The following ATG2A variants were observed in gnomAD, a reference collection of about 807,000 sequenced individuals.
The protein encoded by ATG2A is autophagy related 2A.
Under a neutral mutation model 214.2 loss-of-function variants are expected in ATG2A, and 103 were observed. That is an observed-to-expected ratio of 0.48 (90% CI 0.41 to 0.57). ATG2A has a LOEUF of 0.57. Among genes scored for constraint, ATG2A ranks in the 20% least tolerant of loss-of-function variants. The pLI is 0.00. For synonymous variants in ATG2A, 1,160 were observed against 1,142.1 expected (o/e 1.02, Z -0.32); for missense variants, 2,312 against 2,613.2 (o/e 0.88, Z 2.51).
At position 64,897,874 on chromosome 11, in the gene ATG2A, G is replaced by GCTGTGTCCACCTCCTGGGGCCTC; in HGVS notation, c.4936_4958dup (p.Ser1653ArgfsTer63). 1 of 1,588,828 alleles carries GCTGTGTCCACCTCCTGGGGCCTC rather than the reference G, an allele frequency of 6.3e-7. No individual in the cohort carries two copies. Among genetic ancestry groups the GCTGTGTCCACCTCCTGGGGCCTC allele is most frequent in the Non-Finnish European group, 8.6e-7 (1 of 1,166,194 alleles). ...TGGGCTGCTGGTCAGGAGGGGAGGG[G>GCTGTGTCCACCTCCTGGGGCCTC]CTGTGTCCACCTCCTGGGGCCTCCT... On this transcript the variant is annotated frameshift_variant, in exon 35 of 41. Transcript: ENST00000377264. LOFTEE classifies it high-confidence loss of function.
At chr11:64,916,929 C>T in intron 1 of ATG2A, 36 bp downstream of exon 1, 1 of 1,609,274 alleles carries the variant, frequency 6.2e-7, no homozygotes. Flanking sequence ...CGCTCCCACC[C>T]TCCGCACCTT....
intron 16 of ATG2A, among the ~76,000 whole-genome samples, chr11:64,908,500 C>T (rs1162521128): frequency 6.6e-6 from 1 of 151,590 alleles, no homozygotes; most frequent in Non-Finnish European, 1.5e-5. Context: ...TGCGGTGAGC[C>T]GAGATCATGC....
At position 64,905,833 on chromosome 11, in the gene ATG2A, C is replaced by T. The variant is rs1407488048; in HGVS notation, c.3280G>A (p.Asp1094Asn). 2 of 1,613,406 alleles carry T rather than the reference C, an allele frequency of 1.2e-6. No homozygotes were observed. Among genetic ancestry groups the T allele is most frequent in the Admixed American group, 3.3e-5 (2 of 60,002 alleles). The change falls in exon 23 of 41, where the codon GAC becomes AAC. Residue 1094 changes from aspartate (D) to asparagine (N), a missense_variant. Physicochemically the swap from Asp to Asn is conservative, Grantham distance 23 (BLOSUM62 1). Coordinates refer to ENST00000377264, the MANE Select transcript of ATG2A (RefSeq NM_015104.3). Reference protein sequence around the residue: ...SWHSQLLEFLDVLDDPVLGYL... With the variant: ...SWHSQLLEFLNVLDDPVLGYL... The stretch of plus-strand genomic sequence containing the variant: ...CCCAGCACAGGGTCATCCAGCACGT[C>T]TAGGAACTCCAACAACTTCAGAGGC...
chr11:64,911,181 C>A lies in ATG2A; in HGVS notation c.1323G>T (p.Thr441=), dbSNP rs576389998. ...CAGGTGGTCCGGAAGATGGGGCAGA[C>A]GTCTGAAGCAAGGTCAGGGTCACAC... ...LGGVTLTLLQ[T]SAPSSGPPDL... The change falls in exon 10 of 41, where the codon ACG becomes ACT. Residue 441 remains threonine, a synonymous_variant. Transcript: ENST00000377264. 1 of 1,614,140 alleles carries A rather than the reference C, an allele frequency of 6.2e-7. No individual in the cohort carries two copies. The highest frequency in any genetic ancestry group is 1.3e-5 in the African/African-American group (1 of 75,062).
chr11:64,909,709 G>C lies in ATG2A; in HGVS notation c.2079C>G (p.His693Gln). 1 of 1,613,208 alleles carries C rather than the reference G, an allele frequency of 6.2e-7. No homozygotes were observed. ...GTAGGTCGGAGCAGGTGAGTTCCAG[G>C]TGGGTGGGGACTGGGGGACCAGGCC... ...SSGPGPPVPT[H>Q]LELTCSDLHG... Residue 693 changes from histidine to glutamine, a missense_variant, in exon 14 of 41, where the codon CAC becomes CAG. By Grantham distance (24) the His-to-Gln change is conservative. Coordinates refer to ENST00000377264, the MANE Select transcript of ATG2A (RefSeq NM_015104.3).
rs774581151 is a variant in ATG2A, at chr11:64,895,281, C to T, written c.5580+9G>A. ...ATGGGGGACTGGGGCAGGGCGGGGGCCTGGTCACCTCTCGCACTGTGTCGT... is the reference window on the plus strand; with the variant it reads ...ATGGGGGACTGGGGCAGGGCGGGGGTCTGGTCACCTCTCGCACTGTGTCGT... On this transcript the variant is annotated intron_variant, in intron 40 of 40. Coordinates refer to ENST00000377264, the MANE Select transcript of ATG2A (RefSeq NM_015104.3). The surrounding 1 kb of genome is among the most constrained non-coding windows in gnomAD (Gnocchi z 5.0). 4 of 1,613,078 alleles carry T rather than the reference C, an allele frequency of 2.5e-6. No homozygotes were observed. The highest frequency in any genetic ancestry group is 2.2e-5 in the South Asian group (2 of 91,074).
Position 64,898,314 on chromosome 11 carries a change from G to C in ATG2A, c.4720C>G (p.Pro1574Ala). ...HVAPTTNLGG[P>A]ECCLRVSLMP... ...AGCGAGACGCGGAGACAGCACTCAG[G>C]CCCACCCAGGTTGGTAGTGGGGGCC... Residue 1574 changes from proline (P) to alanine (A), a missense_variant, in exon 33 of 41, where the codon CCT (proline) becomes GCT (alanine). Physicochemically the swap from Pro to Ala is conservative, Grantham distance 27. Transcript: ENST00000377264. This position sits in a 1 kb window ranked among gnomAD's most constrained non-coding sequence, Gnocchi z 4.5. 1 of 1,612,188 alleles carries C rather than the reference G, an allele frequency of 6.2e-7. No individual in the cohort carries two copies. The highest frequency in any genetic ancestry group is 8.5e-7 in the Non-Finnish European group (1 of 1,179,388).
rs779984288 is a variant in ATG2A, at chr11:64,894,743, G to A, written c.*230C>T. 5.6e-6 allele frequency: 4 copies of A among 708,254 alleles called. No homozygotes were observed. The South Asian group carries it at 5.9e-5, about 11-fold the overall frequency. 43.9% of individuals were successfully genotyped at this position (708,254 alleles called of 1,614,324 possible). A position where few individuals can be genotyped will look rare whatever the true frequency, so the allele number is the denominator to read the frequency against. On this transcript the variant is annotated 3_prime_UTR_variant, in exon 41 of 41. Coordinates refer to ENST00000377264, the MANE Select transcript of ATG2A (RefSeq NM_015104.3). ...AGGCAGCAGTGTGGGCCCAGGTCGG[G>A]GGAGGGGCAGTGTCCTTTCTCCCCG...
rs200849383 is a variant in ATG2A at position 64,909,885 on chromosome 11, G to A, written c.1903C>T (p.Arg635Trp). Residue 635 changes from arginine (R) to tryptophan (W), a missense_variant, in exon 14 of 41, where the codon CGG becomes TGG. By Grantham distance (101) the Arg-to-Trp change is moderately radical. Coordinates refer to ENST00000377264, the MANE Select transcript of ATG2A (RefSeq NM_015104.3). ...LPAMEQQTVF[R>W]LSAPRATLRL... ...AGCGTGGCCCGGGGTGCAGAGAGCC[G>A]AAATACCGTCTGCTGCTCCATCGCC... 47 of 1,607,782 alleles carry A rather than the reference G, an allele frequency of 2.9e-5. No homozygotes were observed. The African/African-American group carries it at 3.7e-4, about 13-fold the overall frequency.
At position 64,903,642 on chromosome 11, in the gene ATG2A, G is replaced by A. The variant is rs142098764; in HGVS notation, c.3483C>T (p.Ser1161=). Residue 1161 remains serine, a synonymous_variant, in exon 25 of 41, where the codon TCC becomes TCT. Transcript: ENST00000377264. This position sits in a 1 kb window ranked among gnomAD's most constrained non-coding sequence, Gnocchi z 4.2. ...CACACTTGTCGGACAGGTACAAGGC[G>A]GAGTCATCGAGGATGAACCTGGGGG... ...TFLLRFILDD[S]ALYLSDKCEV... The A allele has an allele frequency of 2.0e-4, 308 of 1,549,858 alleles. No individual in the cohort carries two copies. In the African/African-American group the frequency reaches 3.1e-3, roughly 16 times the overall value.
At position 64,898,473 on chromosome 11, in the gene ATG2A, C is replaced by T. The variant is rs1235435225; in HGVS notation, c.4672-111G>A. On this transcript the variant is annotated intron_variant, in intron 32 of 40. Coordinates refer to ENST00000377264, the MANE Select transcript of ATG2A (RefSeq NM_015104.3). This position sits in a 1 kb window ranked among gnomAD's most constrained non-coding sequence, Gnocchi z 4.5. ...ACCCTGCCTCTGAACACGCTGTTCC[C>T]TTCGCTAACACAGCCCCTAGCTCTG... 3 of 1,321,454 alleles carry T rather than the reference C, an allele frequency of 2.3e-6. No individual in the cohort carries two copies. Among genetic ancestry groups the T allele is most frequent in the Non-Finnish European group, 3.1e-6 (3 of 959,116 alleles). 81.9% of individuals were successfully genotyped at this position (1,321,454 alleles called of 1,614,324 possible). A position where few individuals can be genotyped will look rare whatever the true frequency, so the allele number is the denominator to read the frequency against.
At chr11:64,910,382 A>C (rs1037907510) in intron 12 of ATG2A, among the ~76,000 whole-genome samples, 187 bp from the exon 13 acceptor site, 1 of 152,148 alleles carries the variant, frequency 6.6e-6, no homozygotes, top group African/African-American at 2.4e-5. Flanking sequence ...GACATGCGCC[A>C]CTCTTAGCAA....
intron 1 of ATG2A, among the ~76,000 whole-genome samples, chr11:64,914,744 A>G (rs1423221157): frequency 6.6e-6 from 1 of 152,070 alleles, no homozygotes; most frequent in Non-Finnish European, 1.5e-5. Flanking sequence ...ACTTAATTCA[A>G]GATAATATTT....
chr11:64,905,560 T>C lies in ATG2A; in HGVS notation c.3464+3A>G. ...ATGGCCCAGTGTGGGGCGGCCTGCA[T>C]ACCTGAGCAGGAAGGTGGAGGTGTC... is the stretch of plus-strand genomic sequence containing the variant. On this transcript the variant is annotated splice_donor_region_variant and intron_variant, in intron 24 of 40. Transcript: ENST00000377264. The C allele has an allele frequency of 6.2e-7, 1 of 1,609,594 alleles. No individual in the cohort carries two copies. The highest frequency in any genetic ancestry group is 8.5e-7 in the Non-Finnish European group (1 of 1,178,310).
rs199677610 is a variant in ATG2A at position 64,910,658 on chromosome 11, G to A, written c.1665C>T (p.Cys555=). Residue 555 remains cysteine, a synonymous_variant, in exon 12 of 41, where the codon TGC becomes TGT. Transcript: ENST00000377264. The part of the protein sequence containing the change: ...TLGSQASARP[C]AHLRHTQILR... ...GGATCTGTGTGTGGCGCAGATGGGC[G>A]CAGGGCCGAGCTGAGGCCTGGGAGC... 24 of 1,609,152 alleles carry A rather than the reference G, an allele frequency of 1.5e-5. No individual in the cohort carries two copies. Among genetic ancestry groups the A allele is most frequent in the African/African-American group, 9.3e-5 (7 of 74,954 alleles).
intron 29 of ATG2A, among the ~76,000 whole-genome samples, chr11:64,901,390 T>C (rs1944347300): frequency 6.6e-6 from 1 of 152,160 alleles, no homozygotes; most frequent in African/African-American, 2.4e-5. Flanking sequence ...TCTCACTATG[T>C]TGCTCAGGCT....
intron 1 of ATG2A, among the ~76,000 whole-genome samples, chr11:64,915,917 G>A (rs1944964061): frequency 6.6e-6 from 1 of 152,130 alleles, no homozygotes; most frequent in South Asian, 2.1e-4. Context: ...GGCCACTGGG[G>A]GGTGCCCCCA....
chr11:64,901,265 C>T (rs1420912717), intron 29 of ATG2A, among the ~76,000 whole-genome samples, 173 bp from the exon 30 acceptor site: 2 of 152,170 alleles, frequency 1.3e-5, no homozygotes, highest in South Asian at 2.1e-4. Flanking sequence ...TTCACTGCAA[C>T]CTCTGCCTCC....
intron 6 of ATG2A, 124 bp from the exon 7 acceptor site, chr11:64,912,547 A>C: frequency 1.3e-6 from 1 of 771,422 alleles, no homozygotes; most frequent in Non-Finnish European, 2.0e-6. Flanking sequence ...TCTGTTACCA[A>C]CTAGCTCTAT....
Sources: gnomAD v4.1 joint callset for allele counts (sites outside exome capture counted in the v4.1 genomes callset) on GRCh38, gnomAD v4.1.1 for gene constraint, Gnocchi (gnomAD v3.1) non-coding constraint, MANE v1.5 for transcripts, NCBI Gene and HGNC (gene_info 2026-07-23, HGNC 2026-07-21) for gene names.